Variants in RBBP8 observed in about 807,000 individuals in gnomAD.
RBBP8 encodes DNA endonuclease RBBP8.
In RBBP8, 88 loss-of-function variants were observed where a neutral mutation model predicts 108.3. The ratio of observed to expected loss-of-function variants is 0.81; its 90% CI spans 0.68 to 0.97. The LOEUF (loss-of-function observed/expected upper bound fraction) is 0.97, where lower values mean the gene tolerates loss of function less well. RBBP8 is among the 50% of genes least tolerant of loss of function. RBBP8 has a pLI of 0.00. For synonymous variants in RBBP8, 332 were observed against 348.2 expected, an observed-to-expected ratio of 0.95 and a Z score of 0.52; for missense variants, 1,023 against 1,049.0, an observed-to-expected ratio of 0.98 and a Z score of 0.34.
At chr18:22,951,062 A>G (rs1439266676) in intron 4 of RBBP8, among the ~76,000 whole-genome samples, 2 of 152,240 alleles carry the variant, frequency 1.3e-5, no homozygotes, top group African/African-American at 2.4e-5. Flanking sequence ...ATGGATGCAC[A>G]TTTGTTGGAA....
chr18:23,017,426 G>A (rs2046277159), intron 17 of RBBP8, among the ~76,000 whole-genome samples: 1 of 151,768 alleles, frequency 6.6e-6, no homozygotes, highest in South Asian at 2.1e-4. Flanking sequence ...GGCCAAGGCG[G>A]GCGGATCACG....
In RBBP8 at chr18:22,957,299, T is replaced by TC. The variant is rs1448535933; in HGVS notation, c.248+7586_248+7587insC. Among the ~76,000 whole-genome samples the TC allele has an allele frequency of 2.7e-5, 4 of 147,434 alleles. No individual in the cohort carries two copies. In the East Asian group the frequency reaches 7.8e-4, roughly 29 times the overall value. On this transcript the variant is annotated intron_variant, in intron 4 of 18. Transcript: ENST00000327155. Reference sequence around the variant, plus strand: ...TGTTGTAATTACTTTTTCTTTTTTTTTTTTTTTTTTTTGCCTGTCTTTCTC... The same window carrying TC: ...TGTTGTAATTACTTTTTCTTTTTTTTCTTTTTTTTTTTTGCCTGTCTTTCTC...
chr18:22,928,709 G>C (rs184841092), upstream of RBBP8, among the ~76,000 whole-genome samples: 1 of 150,082 alleles, frequency 6.7e-6, no homozygotes, highest in Non-Finnish European at 1.5e-5. Context: ...TCGCTTTGTC[G>C]CCCATGCTGG....
intron 2 of RBBP8, among the ~76,000 whole-genome samples, chr18:22,938,854 A>G (rs1030963860): frequency 6.6e-6 from 1 of 152,210 alleles, no homozygotes; most frequent in East Asian, 1.9e-4. Context: ...CAGTCTTAGT[A>G]GAGTCGTGTA....
intron 3 of RBBP8, among the ~76,000 whole-genome samples, chr18:22,917,244 G>A (rs1174233423): frequency 6.6e-6 from 1 of 152,182 alleles, no homozygotes; most frequent in Non-Finnish European, 1.5e-5. Flanking sequence ...TTCAGTCCAA[G>A]TGGACTCTGA....
Position 23,026,339 on chromosome 18 carries a change from A to G in RBBP8, c.*99A>G. ...AACATTGATTTTTTTGATCTTCTGT[A>G]AATGGATTTATAAATCAGTTTTCTA... On this transcript the variant is annotated 3_prime_UTR_variant, in exon 19 of 19. Coordinates refer to ENST00000327155, the MANE Select transcript of RBBP8 (RefSeq NM_002894.3). 9.8e-7 allele frequency: 1 copy of G among 1,023,244 alleles called. No homozygotes were observed. Among genetic ancestry groups the G allele is most frequent in the Non-Finnish European group, 1.5e-6 (1 of 671,432 alleles). 63.4% of individuals were successfully genotyped at this position (1,023,244 alleles called of 1,614,324 possible). A position where few individuals can be genotyped will look rare whatever the true frequency, so the allele number is the denominator to read the frequency against.
At chr18:23,023,107 A>G (rs1373836411) in intron 18 of RBBP8, among the ~76,000 whole-genome samples, 2 of 151,622 alleles carry the variant, frequency 1.3e-5, no homozygotes, top group Non-Finnish European at 2.9e-5. Context: ...TATGTTGCTC[A>G]GGCTGGTCGT....
At chr18:22,928,584 C>A (rs767438899), upstream of RBBP8, among the ~76,000 whole-genome samples, 39 of 151,898 alleles carry the variant, frequency 2.6e-4, no homozygotes, top group Non-Finnish European at 5.3e-4. Context: ...AGGGAAAGAG[C>A]AAGGGGTACA....
At chr18:22,937,110 A>G (rs563128267) in intron 2 of RBBP8, 150 bp downstream of exon 2, 73 of 1,453,174 alleles carry the variant, frequency 5.0e-5, no homozygotes, top group Non-Finnish European at 6.2e-5. Flanking sequence ...GATAGATTGC[A>G]TGTTGCTGGG....
intron 3 of RBBP8, among the ~76,000 whole-genome samples, chr18:22,926,064 T>C (rs998402835): frequency 6.6e-6 from 1 of 152,152 alleles, no homozygotes; most frequent in African/African-American, 2.4e-5. Flanking sequence ...TACGAAATAT[T>C]GTCCAAACAG....
At chr18:22,924,696 T>C (rs1311205808) in intron 3 of RBBP8, among the ~76,000 whole-genome samples, 2 of 152,050 alleles carry the variant, frequency 1.3e-5, no homozygotes, top group African/African-American at 2.4e-5. Context: ...ATGCTGGGAG[T>C]ACAGGCATGA....
At chr18:22,983,758 C>T (rs897627118) in intron 7 of RBBP8, among the ~76,000 whole-genome samples, 3 of 152,250 alleles carry the variant, frequency 2.0e-5, no homozygotes, top group Non-Finnish European at 2.9e-5. Flanking sequence ...TTAAGATGTA[C>T]GATAACCTTG....
In RBBP8 at chr18:22,984,896, A is replaced by C; in HGVS notation, c.615A>C (p.Lys205Asn). ...TTTTTCTCCCCTTAGAAATGAGAAA[A>C]GTTTCCAAGTCTTCAACTCATCCAC... ...EHSVCANEMR[K>N]VSKSSTHPQH... The change falls in exon 8 of 19, where the codon AAA (lysine) becomes AAC (asparagine). Residue 205 changes from lysine (K) to asparagine (N), a missense_variant. Physicochemically the swap from Lys to Asn is moderately conservative, Grantham distance 94. Transcript: ENST00000327155. 6.3e-7 allele frequency: 1 copy of C among 1,597,354 alleles called. No homozygotes were observed. The highest frequency in any genetic ancestry group is 1.1e-5 in the South Asian group (1 of 89,958).
intron 3 of RBBP8, among the ~76,000 whole-genome samples, chr18:22,920,098 G>T (rs188654714): frequency 1.3e-5 from 2 of 151,928 alleles, no homozygotes; most frequent in African/African-American, 2.4e-5. Flanking sequence ...CACGGTAAGC[G>T]GATTGCTTGA....
At chr18:22,934,465 A>G (rs1910327983) in intron 1 of RBBP8, among the ~76,000 whole-genome samples, 2 of 152,136 alleles carry the variant, frequency 1.3e-5, no homozygotes, top group African/African-American at 4.8e-5. Context: ...GACTTAATAG[A>G]AATCGTTTAT....
chr18:22,968,502 A>ATTAG (rs942511053), intron 4 of RBBP8, among the ~76,000 whole-genome samples: 5 of 152,232 alleles, frequency 3.3e-5, no homozygotes, highest in African/African-American at 1.2e-4. Flanking sequence ...ACCCCTTGGT[A>ATTAG]TTAGACTAGG....
intron 3 of RBBP8, among the ~76,000 whole-genome samples, chr18:22,927,541 T>C (rs1567938802): frequency 6.6e-6 from 1 of 152,208 alleles, no homozygotes; most frequent in South Asian, 2.1e-4. Context: ...TGAGAACTTA[T>C]AATGTGGCTA....
intron 16 of RBBP8, among the ~76,000 whole-genome samples, chr18:23,016,418 C>T (rs370100398): frequency 1.1e-3 from 174 of 152,136 alleles, no homozygotes; most frequent in African/African-American, 3.9e-3. Context: ...GTGGTACAGG[C>T]CTGTAATCCC....
chr18:22,995,058 AGC>A (rs1567986890), intron 12 of RBBP8, among the ~76,000 whole-genome samples: 6 of 151,548 alleles, frequency 4.0e-5, no homozygotes, highest in African/African-American at 1.5e-4. Flanking sequence ...TTTTTTTTTC[AGC>A]CACCAAACAT....
Sources: allele counts gnomAD v4.1 joint callset (sites outside exome capture counted in the v4.1 genomes callset), GRCh38; gene constraint gnomAD v4.1.1; transcripts MANE v1.5; gene names NCBI Gene and HGNC (gene_info 2026-07-23, HGNC 2026-07-21).